The following TIMP2 variants were observed in gnomAD, a reference collection of about 807,000 sequenced individuals.
The protein encoded by TIMP2 is TIMP metallopeptidase inhibitor 2, also known as metalloproteinase inhibitor 2.
Under a neutral mutation model 24.3 loss-of-function variants are expected in TIMP2, and 5 were observed. The observed-to-expected ratio is 0.21, with a 90% CI of 0.11 to 0.43. The LOEUF is 0.43. Among genes scored for constraint, TIMP2 ranks in the 20% least tolerant of loss-of-function variants. TIMP2 has a pLI of 1.00. For missense variants in TIMP2, 221 were observed against 297.5 expected (o/e 0.74, Z 1.89); for synonymous variants, 130 against 123.2 (o/e 1.06, Z -0.37).
At chr17:78,875,158 G>A (rs1226346079) in intron 1 of TIMP2, among the ~76,000 whole-genome samples, 1 of 152,172 alleles carries the variant, frequency 6.6e-6, no homozygotes. Context: ...GATTACAGGC[G>A]TGAGCCACTG....
intron 1 of TIMP2, among the ~76,000 whole-genome samples, chr17:78,914,159 G>A (rs1250580610): frequency 1.3e-5 from 2 of 152,164 alleles, no homozygotes; most frequent in African/African-American, 4.8e-5. Flanking sequence ...GGGCCTGCCT[G>A]ACTTCCCCTT....
chr17:78,911,894 CA>C (rs60505603), intron 1 of TIMP2, among the ~76,000 whole-genome samples: 2,685 of 112,068 alleles, frequency 0.024, 72 homozygotes, highest in African/African-American at 0.079. Flanking sequence ...AAAAACACAC[CA>C]AAAAAAAAAA....
At chr17:78,859,177 C>T (rs936794724) in intron 3 of TIMP2, among the ~76,000 whole-genome samples, 1 of 152,164 alleles carries the variant, frequency 6.6e-6, no homozygotes, top group Admixed American at 6.6e-5. Flanking sequence ...GCTCTGAATT[C>T]CCTTCATCAG....
At chr17:78,901,741 A>G (rs984851794) in intron 1 of TIMP2, 3 of 717,268 alleles carry the variant, frequency 4.2e-6, no homozygotes, top group Admixed American at 4.0e-5. Flanking sequence ...GCTTGTCACC[A>G]CGAGAAGCAC....
rs1250792593 is a variant in TIMP2, at chr17:78,855,678, C to T, written c.652G>A (p.Glu218Lys). 6 of 1,613,792 alleles carry T rather than the reference C, an allele frequency of 3.7e-6. No individual in the cohort carries two copies. Among genetic ancestry groups the T allele is most frequent in the East Asian group, 2.2e-5 (1 of 44,860 alleles). ...APPKQEFLDI[E>K]DP is the part of the protein sequence containing the mutation. The stretch of plus-strand genomic sequence containing the variant: ...CGTTGGAGGCCTGCTTATGGGTCCT[C>T]GATGTCGAGAAACTCCTGCTTGGGG... Residue 218 changes from glutamate (E) to lysine (K), a missense_variant, in exon 5 of 5, where the codon GAG becomes AAG. Transcript: ENST00000262768. The surrounding 1 kb of genome is among the most constrained non-coding windows in gnomAD (Gnocchi z 6.0).
At chr17:78,910,376 A>G (rs2070197248) in intron 1 of TIMP2, among the ~76,000 whole-genome samples, 1 of 152,028 alleles carries the variant, frequency 6.6e-6, no homozygotes, top group Non-Finnish European at 1.5e-5. Flanking sequence ...TATTTTTAGT[A>G]GAGACAAGGT....
Position 78,924,939 on chromosome 17 carries a change from C to G in TIMP2, c.130+20G>C. The G allele has an allele frequency of 8.1e-7, 1 of 1,239,650 alleles. No homozygotes were observed. The highest frequency in any genetic ancestry group is 2.7e-5 in the South Asian group (1 of 36,568). 76.8% of individuals were successfully genotyped at this position (1,239,650 alleles called of 1,614,324 possible). ...GGGGAGGTGGGGCCCCGCGCGGGGGCTGGGGTCGCCGCTCCTTACCTACAT... is the reference window on the plus strand; with the variant it reads ...GGGGAGGTGGGGCCCCGCGCGGGGGGTGGGGTCGCCGCTCCTTACCTACAT... On this transcript the variant is annotated intron_variant, in intron 1 of 4. Transcript: ENST00000262768. The surrounding 1 kb of genome is among the most constrained non-coding windows in gnomAD (Gnocchi z 5.3).
At chr17:78,879,685 T>C (rs1297594231) in intron 1 of TIMP2, among the ~76,000 whole-genome samples, 1 of 152,174 alleles carries the variant, frequency 6.6e-6, no homozygotes, top group African/African-American at 2.4e-5. Flanking sequence ...GATTTCGTTT[T>C]TCCTTCTTTC....
At position 78,891,883 on chromosome 17, in the gene TIMP2, T is replaced by C. The variant is rs1167184425; in HGVS notation, c.131-17964A>G. 1 of 1,550,558 alleles carries C rather than the reference T, an allele frequency of 6.4e-7. No homozygotes were observed. The highest frequency in any genetic ancestry group is 8.7e-7 in the Non-Finnish European group (1 of 1,147,020). ...GAGAATTCATCCGACCCGTGGCTTT[T>C]GTAGTCTGTGGTTTCTCTGGACTCG... On this transcript the variant is annotated intron_variant, in intron 1 of 4. Coordinates refer to ENST00000262768, the MANE Select transcript of TIMP2 (RefSeq NM_003255.5). The surrounding 1 kb of genome is among the most constrained non-coding windows in gnomAD (Gnocchi z 4.5).
intron 1 of TIMP2, among the ~76,000 whole-genome samples, chr17:78,902,315 T>C (rs2070106616): frequency 6.6e-6 from 1 of 152,148 alleles, no homozygotes; most frequent in Admixed American, 6.5e-5. Flanking sequence ...ACCATATTGG[T>C]CAGACTGGTT....
intron 1 of TIMP2, among the ~76,000 whole-genome samples, chr17:78,875,677 G>A (rs999626044): frequency 6.6e-6 from 1 of 152,166 alleles, no homozygotes; most frequent in African/African-American, 2.4e-5. Flanking sequence ...AAACAGAGAG[G>A]TAAGGAGCAG....
rs138975104 is a variant in TIMP2, at chr17:78,880,574, G to A, written c.131-6655C>T. Among the ~76,000 whole-genome samples, 15 of 152,194 alleles carry A rather than the reference G, an allele frequency of 9.9e-5. No homozygotes were observed. In the East Asian group the frequency reaches 2.1e-3, roughly 22 times the overall value. ...AAAAAAAAACAAAAATTAGCTGGGC[G>A]TGGTGGCATCTGCCTATAGTCCCAG... On this transcript the variant is annotated intron_variant, in intron 1 of 4. Coordinates refer to ENST00000262768, the MANE Select transcript of TIMP2 (RefSeq NM_003255.5).
At chr17:78,876,913 T>TA (rs11441632) in intron 1 of TIMP2, among the ~76,000 whole-genome samples, 115,417 of 151,914 alleles carry the variant, frequency 0.76, 44,179 homozygotes, top group Admixed American at 0.81. Flanking sequence ...CCAGCTAAAA[T>TA]AGCCCTTTTC....
chr17:78,865,408 T>G (rs969031820), intron 3 of TIMP2, among the ~76,000 whole-genome samples: 1 of 152,048 alleles, frequency 6.6e-6, no homozygotes, highest in Non-Finnish European at 1.5e-5. Context: ...GCGGATCACC[T>G]GAGGTCAGGA....
rs193173233 is a variant in TIMP2 at position 78,895,867 on chromosome 17, G to A, written c.131-21948C>T. 2.3e-3 allele frequency among the ~76,000 whole-genome samples: 351 copies of A among 152,288 alleles called. 1 individual carries two copies. Among genetic ancestry groups the A allele is most frequent in the Admixed American group, 3.9e-3 (59 of 15,294 alleles). On this transcript the variant is annotated intron_variant, in intron 1 of 4. Transcript: ENST00000262768. ...ACAGTCTATTTCTGTGCCAAGAGCC[G>A]TTGGCTCACACCCCTTGTCAACCAA...
intron 1 of TIMP2, among the ~76,000 whole-genome samples, chr17:78,905,888 A>G (rs551434608): frequency 6.6e-6 from 1 of 152,364 alleles, no homozygotes; most frequent in South Asian, 2.1e-4. Flanking sequence ...GGCAGACCTC[A>G]GACATACTGC....
At position 78,872,113 on chromosome 17, in the gene TIMP2, C is replaced by T. The variant is rs142107175; in HGVS notation, c.232-1107G>A. 1.1e-4 allele frequency among the ~76,000 whole-genome samples: 17 copies of T among 150,880 alleles called. 1 individual carries two copies. The East Asian group carries it at 1.8e-3, about 16-fold the overall frequency. ...AAGTGATCCTCCCACCTCAGCCTCC[C>T]GAGTAGCTGGGACTATAGGCGCATG... On this transcript the variant is annotated intron_variant, in intron 2 of 4. Transcript: ENST00000262768.
chr17:78,912,803 T>C (rs1262886196), intron 1 of TIMP2, among the ~76,000 whole-genome samples: 1 of 152,158 alleles, frequency 6.6e-6, no homozygotes, highest in East Asian at 1.9e-4. Context: ...AATTTAGACT[T>C]TGAGGCCCAT....
intron 1 of TIMP2, among the ~76,000 whole-genome samples, chr17:78,921,384 T>A (rs553978071): frequency 6.6e-6 from 1 of 152,366 alleles, no homozygotes; most frequent in Non-Finnish European, 1.5e-5. Context: ...AGAGGTCTTC[T>A]AGGATAATGT....
Sources: allele counts gnomAD v4.1 joint callset (sites outside exome capture counted in the v4.1 genomes callset), GRCh38; gene constraint gnomAD v4.1.1; non-coding constraint Gnocchi (gnomAD v3.1); transcripts MANE v1.5; gene names NCBI Gene and HGNC (gene_info 2026-07-23, HGNC 2026-07-21).